JHY: variants seen among roughly 807,000 people sequenced by gnomAD.
JHY encodes the protein junctional cadherin complex regulator.
JHY carries 69 observed loss-of-function variants against 78.0 expected under a neutral mutation model. The ratio of observed to expected loss-of-function variants is 0.88; its 90% CI spans 0.73 to 1.08. The LOEUF (loss-of-function observed/expected upper bound fraction) is 1.08. JHY is among the 50% of genes least tolerant of loss of function. JHY has a pLI of 0.00. For missense variants in JHY, 944 were observed against 927.8 expected (o/e 1.02, Z -0.23); for synonymous variants, 368 against 342.6 (o/e 1.07, Z -0.82).
At chr11:122,925,134 C>A in intron 4 of JHY, 124 bp downstream of exon 4, 1 of 757,764 alleles carries the variant, frequency 1.3e-6, no homozygotes, top group Non-Finnish European at 2.1e-6. Flanking sequence ...TACCCACTTT[C>A]CTATGGGTAA....
In JHY at chr11:122,898,486, GA is replaced by G. The variant is rs990657070; in HGVS notation, c.345-5431del. 5.3e-5 allele frequency among the ~76,000 whole-genome samples: 8 copies of G among 151,628 alleles called. No homozygotes were observed. The East Asian group carries it at 9.7e-4, about 18-fold the overall frequency. On this transcript the variant is annotated intron_variant, in intron 2 of 8. Coordinates refer to ENST00000227349, the MANE Select transcript of JHY (RefSeq NM_024806.4). The surrounding 1 kb of genome is among the most constrained non-coding windows in gnomAD (Gnocchi z 4.4). ...GTACTTCCCTTAACATTGTTCCAAG[GA>G]AAAAAAACTGAAGACTCACAACAAA...
At chr11:122,913,888 A>G (rs1209958548) in intron 3 of JHY, among the ~76,000 whole-genome samples, 1 of 152,226 alleles carries the variant, frequency 6.6e-6, no homozygotes, top group Non-Finnish European at 1.5e-5. Context: ...TGTAATTTTT[A>G]AATACTTTTC....
rs138061511 is a variant in JHY, at chr11:122,946,544, G to C, written c.1681G>C (p.Asp561His). 7.0e-5 allele frequency: 113 copies of C among 1,612,482 alleles called. No homozygotes were observed. The African/African-American group carries it at 1.3e-3, about 18-fold the overall frequency. Residue 561 changes from aspartate (D) to histidine (H), a missense_variant, in exon 6 of 9, where the codon GAT (aspartate) becomes CAT (histidine). By Grantham distance (81) the Asp-to-His change is moderately conservative (BLOSUM62 -1). Coordinates refer to ENST00000227349, the MANE Select transcript of JHY (RefSeq NM_024806.4). ...CAGCCAGACGGTTAGAGCTTCTCCA[G>C]ATTCATGGCTCACCCAGATAATGGA... is the stretch of plus-strand genomic sequence containing the variant. The part of the protein sequence containing the change: ...SDSQTVRASP[D>H]SWLTQIMEQH...
intron 4 of JHY, among the ~76,000 whole-genome samples, chr11:122,932,561 T>C (rs1863657602): frequency 1.3e-5 from 2 of 152,192 alleles, no homozygotes; most frequent in African/African-American, 2.4e-5. Context: ...CCTGGTTACT[T>C]CTCTAGCGAG....
intron 6 of JHY, among the ~76,000 whole-genome samples, chr11:122,951,748 T>G (rs1162449657): frequency 6.6e-6 from 1 of 152,178 alleles, no homozygotes; most frequent in Admixed American, 6.5e-5. Context: ...GTACAAACCT[T>G]GCATCAGGAG....
intron 3 of JHY, among the ~76,000 whole-genome samples, chr11:122,911,980 T>A (rs1400747489): frequency 7.1e-6 from 1 of 140,612 alleles, no homozygotes; most frequent in Non-Finnish European, 1.5e-5. Context: ...TTTAATAAAG[T>A]GATGACTTTA....
At chr11:122,907,968 G>T (rs139013639) in intron 3 of JHY, among the ~76,000 whole-genome samples, 2 of 151,740 alleles carry the variant, frequency 1.3e-5, no homozygotes, top group Non-Finnish European at 2.9e-5. Flanking sequence ...GTGAAGCCAG[G>T]TTTGAGAAGC....
intron 6 of JHY, 58 bp downstream of exon 6, chr11:122,946,850 C>T: frequency 1.3e-6 from 2 of 1,534,074 alleles, no homozygotes; most frequent in Non-Finnish European, 1.8e-6. Flanking sequence ...ACAGATGGAC[C>T]TTGATGTAAT....
intron 5 of JHY, among the ~76,000 whole-genome samples, chr11:122,940,581 C>G (rs1235049450): frequency 1.3e-5 from 2 of 152,158 alleles, no homozygotes; most frequent in Non-Finnish European, 2.9e-5. Context: ...AAGGTAGCGA[C>G]TACCAGATCT....
In JHY at chr11:122,961,626, A is replaced by T. The variant is rs781635805; in HGVS notation, c.*2181A>T. ...CACCTTGGCCTTCCAAAGTGCTGGG[A>T]TTACAGGCGTTAGCTACTACACCTG... On this transcript the variant is annotated 3_prime_UTR_variant, in exon 9 of 9. Coordinates refer to ENST00000227349, the MANE Select transcript of JHY (RefSeq NM_024806.4). Among the ~76,000 whole-genome samples the T allele has an allele frequency of 5.3e-5, 8 of 152,202 alleles. No homozygotes were observed. Among genetic ancestry groups the T allele is most frequent in the Non-Finnish European group, 1.2e-4 (8 of 68,032 alleles).
At chr11:122,911,905 CAAAAAAAAAAAAAAAAA>C (rs59941995) in intron 3 of JHY, among the ~76,000 whole-genome samples, 2 of 49,722 alleles carry the variant, frequency 4.0e-5, no homozygotes, top group Non-Finnish European at 6.7e-5. Flanking sequence ...AACTCTGTCT[CAAAAAAAAAAAAAAAAA>C]AAAAAAAAAA....
intron 5 of JHY, among the ~76,000 whole-genome samples, chr11:122,942,296 T>G (rs1306483116): frequency 6.6e-6 from 1 of 152,258 alleles, no homozygotes; most frequent in African/African-American, 2.4e-5. Context: ...ATTTCATCTG[T>G]CATTTCAAAA....
Position 122,887,356 on chromosome 11 carries a change from C to T in JHY, c.344+1163C>T, listed in dbSNP as rs538247972. On this transcript the variant is annotated intron_variant, in intron 2 of 8. Coordinates refer to ENST00000227349, the MANE Select transcript of JHY (RefSeq NM_024806.4). ...TGTGTGGGACGGGGGAGGAGTCTCGCTCTGTCATCAGGCTGGAGTGCAGTG... is the reference window on the plus strand; with the variant it reads ...TGTGTGGGACGGGGGAGGAGTCTCGTTCTGTCATCAGGCTGGAGTGCAGTG... 1.5e-3 allele frequency among the ~76,000 whole-genome samples: 232 copies of T among 152,244 alleles called. 2 individuals carry two copies. Among genetic ancestry groups the T allele is most frequent in the African/African-American group, 5.3e-3 (220 of 41,538 alleles).
chr11:122,899,342 A>G (rs1489131762), intron 2 of JHY, among the ~76,000 whole-genome samples: 1 of 152,210 alleles, frequency 6.6e-6, no homozygotes, highest in Non-Finnish European at 1.5e-5. Flanking sequence ...AAAAATCTGT[A>G]TTTACTTGAA....
chr11:122,888,194 C>T (rs1452905578), intron 2 of JHY, among the ~76,000 whole-genome samples: 1 of 152,112 alleles, frequency 6.6e-6, no homozygotes, highest in Non-Finnish European at 1.5e-5. Context: ...AGACAGACAA[C>T]CTTGATAGGA....
intron 4 of JHY, among the ~76,000 whole-genome samples, chr11:122,926,712 A>G (rs1010861552): frequency 3.9e-5 from 6 of 152,234 alleles, no homozygotes; most frequent in Admixed American, 1.3e-4. Context: ...TTTGCCATGC[A>G]TTATGGGTAA....
At chr11:122,956,946 C>G (rs976192970) in intron 7 of JHY, among the ~76,000 whole-genome samples, 1 of 151,986 alleles carries the variant, frequency 6.6e-6, no homozygotes. Context: ...GTTTCCCAAC[C>G]CCTGAAAAGT....
chr11:122,926,302 A>T (rs141705429), intron 4 of JHY, among the ~76,000 whole-genome samples: 1 of 152,258 alleles, frequency 6.6e-6, no homozygotes, highest in East Asian at 1.9e-4. Context: ...ACCAGGCTTT[A>T]TCCCTGCCTA....
intron 3 of JHY, among the ~76,000 whole-genome samples, chr11:122,909,146 G>T (rs184759040): frequency 4.6e-5 from 7 of 152,242 alleles, no homozygotes; most frequent in African/African-American, 1.7e-4. Flanking sequence ...GCCTATTAGA[G>T]AAATGCAAAT....
Sources: allele counts gnomAD v4.1 joint callset (sites outside exome capture counted in the v4.1 genomes callset), GRCh38; gene constraint gnomAD v4.1.1; non-coding constraint Gnocchi (gnomAD v3.1); transcripts MANE v1.5; gene names NCBI Gene and HGNC (gene_info 2026-07-23, HGNC 2026-07-21).